The following PTPRG variants were observed in gnomAD, a reference collection of about 807,000 sequenced individuals.
PTPRG encodes the protein receptor-type tyrosine-protein phosphatase gamma.
In PTPRG, 102 loss-of-function variants were observed where a neutral mutation model predicts 165.3. The observed-to-expected ratio is 0.62, with a 90% CI of 0.53 to 0.73. The LOEUF (loss-of-function observed/expected upper bound fraction) is 0.73, where lower values mean the gene tolerates loss of function less well. Ranked by LOEUF, PTPRG falls within the 30% of genes least tolerant of loss-of-function variation. The probability of loss-of-function intolerance (pLI) is 0.00; values close to 1 mark genes in which losing one functional copy is unlikely to be tolerated. For synonymous variants in PTPRG, 675 were observed against 669.5 expected, an observed-to-expected ratio of 1.01 and a Z score of -0.13; for missense variants, 1,866 against 1,861.4, an observed-to-expected ratio of 1.00 and a Z score of -0.05.
intron 12 of PTPRG, among the ~76,000 whole-genome samples, 190 bp from the exon 13 acceptor site, chr3:62,218,661 G>T (rs1700571799): frequency 6.6e-6 from 1 of 152,186 alleles, no homozygotes; most frequent in Non-Finnish European, 1.5e-5. Context: ...CCATAGAAGA[G>T]GCCCTGTGTG....
intron 2 of PTPRG, among the ~76,000 whole-genome samples, chr3:61,773,873 C>G (rs1045687102): frequency 6.6e-6 from 1 of 151,832 alleles, no homozygotes; most frequent in Non-Finnish European, 1.5e-5. Context: ...CCCCCGTGTT[C>G]AAGCAATTCT....
At chr3:61,928,891 A>T (rs1295542620) in intron 2 of PTPRG, among the ~76,000 whole-genome samples, 1 of 152,076 alleles carries the variant, frequency 6.6e-6, no homozygotes, top group African/African-American at 2.4e-5. Flanking sequence ...ACTAAAGGTG[A>T]TTTTTCTCTT....
intron 2 of PTPRG, among the ~76,000 whole-genome samples, chr3:61,988,896 A>G (rs2040823423): frequency 1.3e-5 from 2 of 152,170 alleles, no homozygotes; most frequent in South Asian, 2.1e-4. Flanking sequence ...ATTGGTACCT[A>G]TTAGAATTAT....
At chr3:62,105,328 T>C (rs1290427346) in intron 5 of PTPRG, among the ~76,000 whole-genome samples, 2 of 152,198 alleles carry the variant, frequency 1.3e-5, no homozygotes, top group Admixed American at 6.5e-5. Context: ...AGTTAATTAC[T>C]GCCATAGTTT....
At chr3:61,752,092 T>G (rs1375528118) in intron 2 of PTPRG, among the ~76,000 whole-genome samples, 1 of 152,230 alleles carries the variant, frequency 6.6e-6, no homozygotes, top group African/African-American at 2.4e-5. Context: ...TTACTTTTGC[T>G]GCAATTAATG....
chr3:62,146,538 TGGAGAGTG>T (rs1224311967), intron 6 of PTPRG, among the ~76,000 whole-genome samples: 1 of 151,928 alleles, frequency 6.6e-6, no homozygotes, highest in Non-Finnish European at 1.5e-5. Flanking sequence ...TGCCTGCTGA[TGGAGAGTG>T]TTTCACAGGC....
At position 61,913,376 on chromosome 3, in the gene PTPRG, C is replaced by T. The variant is rs529792900; in HGVS notation, c.191-76249C>T. 4.4e-3 allele frequency among the ~76,000 whole-genome samples: 664 copies of T among 152,252 alleles called. 4 individuals carry two copies. Among genetic ancestry groups the T allele is most frequent in the Non-Finnish European group, 7.4e-3 (500 of 68,008 alleles). On this transcript the variant is annotated intron_variant, in intron 2 of 29. Coordinates refer to ENST00000474889, the MANE Select transcript of PTPRG (RefSeq NM_002841.4). ...CTGGGACTACAGGTGCCCGCCACCACGCCCGCCTAATTTTTTGTATTTTTA... is the reference window on the plus strand; with the variant it reads ...CTGGGACTACAGGTGCCCGCCACCATGCCCGCCTAATTTTTTGTATTTTTA...
At chr3:61,733,280 C>G (rs573270819) in intron 1 of PTPRG, among the ~76,000 whole-genome samples, 25 of 152,122 alleles carry the variant, frequency 1.6e-4, no homozygotes, top group Non-Finnish European at 3.5e-4. Flanking sequence ...TGATTCATTT[C>G]TATGTTGTAG....
chr3:62,091,923 C>A (rs1477918293), intron 5 of PTPRG, among the ~76,000 whole-genome samples: 1 of 151,946 alleles, frequency 6.6e-6, no homozygotes, highest in African/African-American at 2.4e-5. Flanking sequence ...CTCTTGTGTC[C>A]CTTCTCTTGC....
In PTPRG at chr3:62,203,829, C is replaced by A. The variant is rs751479834; in HGVS notation, c.2034C>A (p.Pro678=). 3.1e-6 allele frequency: 5 copies of A among 1,614,100 alleles called. No individual in the cohort carries two copies. Among genetic ancestry groups the A allele is most frequent in the East Asian group, 2.2e-5 (1 of 44,854 alleles). Reference sequence around the variant, plus strand: ...TGGTCACCTCCACCCAAGTGCCCCCCACCGCCACAGAGGAGCAGTATGCAG... The same window carrying A: ...TGGTCACCTCCACCCAAGTGCCCCCAACCGCCACAGAGGAGCAGTATGCAG... ...PDMVTSTQVP[P]TATEEQYAGS... is the part of the protein sequence containing the mutation. Residue 678 remains proline (P), a synonymous_variant, in exon 12 of 30, where the codon CCC becomes CCA. Coordinates refer to ENST00000474889, the MANE Select transcript of PTPRG (RefSeq NM_002841.4). This position sits in a 1 kb window ranked among gnomAD's most constrained non-coding sequence, Gnocchi z 6.4.
chr3:61,599,599 C>A (rs930361467), intron 1 of PTPRG, among the ~76,000 whole-genome samples: 2 of 151,942 alleles, frequency 1.3e-5, no homozygotes, highest in Admixed American at 1.3e-4. Context: ...CTCAAGTGGT[C>A]CTCCCAACTT....
chr3:62,191,433 T>A (rs1401244472), intron 8 of PTPRG, 36 bp from the exon 9 acceptor site: 1 of 1,600,852 alleles, frequency 6.2e-7, no homozygotes, highest in East Asian at 2.2e-5. Flanking sequence ...CGCATTGTTC[T>A]GAAAGCTCCC....
intron 1 of PTPRG, among the ~76,000 whole-genome samples, chr3:61,737,914 G>GTT (rs376023066): frequency 0.64 from 91,796 of 144,292 alleles, 29,793 homozygotes; most frequent in Middle Eastern, 0.71. Flanking sequence ...AGGTTTTTTT[G>GTT]TTTTTTTTTT....
intron 2 of PTPRG, among the ~76,000 whole-genome samples, chr3:61,783,922 G>T (rs2034617687): frequency 6.6e-6 from 1 of 152,192 alleles, no homozygotes; most frequent in Non-Finnish European, 1.5e-5. Context: ...GTGCTAGCTG[G>T]ATGTACTGTT....
chr3:62,178,899 A>G lies in PTPRG; in HGVS notation c.1033+10736A>G, dbSNP rs564724425. Among the ~76,000 whole-genome samples the G allele has an allele frequency of 3.3e-5, 5 of 152,334 alleles. No homozygotes were observed. The East Asian group carries it at 9.7e-4, about 29-fold the overall frequency. On this transcript the variant is annotated intron_variant, in intron 8 of 29. Transcript: ENST00000474889. ...CTTGTGAACAGCAATCTGGAAATTA[A>G]TAAAGGCCAACAGCTTCCTTACTCC... is the stretch of plus-strand genomic sequence containing the variant.
At chr3:61,938,700 A>G (rs2039539910) in intron 2 of PTPRG, among the ~76,000 whole-genome samples, 2 of 152,206 alleles carry the variant, frequency 1.3e-5, no homozygotes, top group South Asian at 4.1e-4. Flanking sequence ...TATTTTATGC[A>G]GAGTCTAATG....
chr3:62,004,300 A>G (rs1042944414), intron 4 of PTPRG, among the ~76,000 whole-genome samples: 1 of 152,166 alleles, frequency 6.6e-6, no homozygotes, highest in Non-Finnish European at 1.5e-5. Context: ...AACAAAATAG[A>G]TGTGGTTCTG....
intron 4 of PTPRG, among the ~76,000 whole-genome samples, chr3:62,011,069 T>TA (rs2041411236): frequency 6.6e-6 from 1 of 152,312 alleles, no homozygotes; most frequent in East Asian, 1.9e-4. Context: ...GGCTTGTATC[T>TA]AAAAAACTGA....
At chr3:62,285,790 A>ATTCCCC (rs1178373457) in intron 28 of PTPRG, among the ~76,000 whole-genome samples, 4 of 152,158 alleles carry the variant, frequency 2.6e-5, no homozygotes, top group African/African-American at 9.6e-5. Flanking sequence ...ATATAGTCTT[A>ATTCCCC]TAAGACAGCT....
Sources: allele counts gnomAD v4.1 joint callset (sites outside exome capture counted in the v4.1 genomes callset), GRCh38; gene constraint gnomAD v4.1.1; non-coding constraint Gnocchi (gnomAD v3.1); transcripts MANE v1.5; gene names NCBI Gene and HGNC (gene_info 2026-07-23, HGNC 2026-07-21).